The following RALGAPA1 variants were observed in gnomAD, a reference collection of about 807,000 sequenced individuals.
RALGAPA1 encodes Ral GTPase activating protein catalytic subunit alpha 1.
In RALGAPA1, 52 loss-of-function variants were observed where a neutral mutation model predicts 269.6. That is an observed-to-expected ratio of 0.19 (90% CI 0.15 to 0.24). RALGAPA1 has a LOEUF of 0.24. RALGAPA1 is among the 10% of genes least tolerant of loss of function. The probability of loss-of-function intolerance (pLI) is 1.00; values close to 1 mark genes in which losing one functional copy is unlikely to be tolerated. For missense variants in RALGAPA1, 1,917 were observed against 3,013.9 expected (o/e 0.64, Z 8.52); for synonymous variants, 817 against 1,008.3 (o/e 0.81, Z 3.60).
intron 41 of RALGAPA1, among the ~76,000 whole-genome samples, chr14:35,545,584 AAGAC>A (rs1313689228): frequency 1.3e-5 from 2 of 152,098 alleles, no homozygotes; most frequent in African/African-American, 4.8e-5. Flanking sequence ...TGAATACAGA[AAGAC>A]AGAAACACCT....
Position 35,760,861 on chromosome 14 carries a change from T to A in RALGAPA1, c.515A>T (p.Asn172Ile). Residue 172 changes from asparagine to isoleucine, a missense_variant, in exon 6 of 42, where the codon AAT (asparagine) becomes ATT (isoleucine). Asn to Ile is a moderately radical substitution (Grantham distance 149). Transcript: ENST00000680220. Reference sequence around the variant, plus strand: ...AAGGTTGAGTGGAGGATTAATGAGATTATCTAAAGTTCGAGGTCCATGTTC... The same window carrying A: ...AAGGTTGAGTGGAGGATTAATGAGAATATCTAAAGTTCGAGGTCCATGTTC... ...QSEHGPRTLD[N>I]LINPPLNLQE... 1 of 1,611,642 alleles carries A rather than the reference T, an allele frequency of 6.2e-7. No individual in the cohort carries two copies. The highest frequency in any genetic ancestry group is 8.5e-7 in the Non-Finnish European group (1 of 1,179,190).
intron 35 of RALGAPA1, among the ~76,000 whole-genome samples, chr14:35,612,761 A>G (rs1455750216): frequency 6.6e-6 from 1 of 152,070 alleles, no homozygotes; most frequent in African/African-American, 2.4e-5. Context: ...GATGGTCTCG[A>G]TCTCCTGACC....
chr14:35,792,206 G>C (rs1420054002), intron 1 of RALGAPA1, among the ~76,000 whole-genome samples: 1 of 152,012 alleles, frequency 6.6e-6, no homozygotes, highest in Non-Finnish European at 1.5e-5. Context: ...GCTCAGACTG[G>C]AGTGCAGTGG....
At chr14:35,774,319 G>T (rs1201835222) in intron 3 of RALGAPA1, among the ~76,000 whole-genome samples, 1 of 151,942 alleles carries the variant, frequency 6.6e-6, no homozygotes, top group Non-Finnish European at 1.5e-5. Context: ...TACAGGTCTC[G>T]AAATTCTCAG....
chr14:35,611,468 C>T (rs2059929631), intron 35 of RALGAPA1, among the ~76,000 whole-genome samples: 1 of 150,524 alleles, frequency 6.6e-6, no homozygotes, highest in Non-Finnish European at 1.5e-5. Context: ...TGCCACTGCA[C>T]TCCAGCCTAG....
intron 5 of RALGAPA1, 55 bp from the exon 6 acceptor site, chr14:35,761,061 C>T: frequency 1.5e-6 from 2 of 1,374,850 alleles, no homozygotes; most frequent in Non-Finnish European, 2.0e-6. Context: ...ATATTTTCTT[C>T]CTTTGAAAAA....
chr14:35,753,875 A>G (rs555860487), intron 7 of RALGAPA1, among the ~76,000 whole-genome samples: 8 of 152,280 alleles, frequency 5.3e-5, no homozygotes, highest in African/African-American at 1.7e-4. Context: ...AAAAATTACC[A>G]TTTGGTAACC....
At chr14:35,679,358 G>A (rs910188012) in intron 21 of RALGAPA1, among the ~76,000 whole-genome samples, 1 of 152,086 alleles carries the variant, frequency 6.6e-6, no homozygotes, top group African/African-American at 2.4e-5. Context: ...CTTATGATGG[G>A]GTTACACCCC....
chr14:35,543,358 G>T (rs752755136), intron 41 of RALGAPA1, among the ~76,000 whole-genome samples: 6 of 152,132 alleles, frequency 3.9e-5, no homozygotes, highest in Non-Finnish European at 8.8e-5. Flanking sequence ...AACAGATGAG[G>T]ATTAGAAACG....
At chr14:35,665,522 T>C (rs574411784) in intron 26 of RALGAPA1, among the ~76,000 whole-genome samples, 2 of 152,344 alleles carry the variant, frequency 1.3e-5, no homozygotes, top group South Asian at 4.1e-4. Flanking sequence ...ATAATACTTC[T>C]ATTCACATAA....
intron 9 of RALGAPA1, 31 bp downstream of exon 9, chr14:35,750,451 C>A: frequency 6.3e-7 from 1 of 1,588,258 alleles, no homozygotes; most frequent in Non-Finnish European, 8.6e-7. Context: ...CCATTTCTAA[C>A]TTTAACAGGC....
chr14:35,748,732 G>A lies in RALGAPA1; in HGVS notation c.1104C>T (p.Ser368=), dbSNP rs2072381754. 1.9e-6 allele frequency: 3 copies of A among 1,612,798 alleles called. No homozygotes were observed. In the African/African-American group the frequency reaches 4.0e-5, roughly 22 times the overall value. Residue 368 remains serine (S), a synonymous_variant, in exon 10 of 42, where the codon TCC becomes TCT. Coordinates refer to ENST00000680220, the MANE Select transcript of RALGAPA1 (RefSeq NM_001346249.2). ...CTCGCTCCGTGAGAGTGCTTGTATT[G>A]GAATGAGACTGTTCGGGTTCTGTAG... ...DRTTEPEQSH[S]NTSTLTEREP...
At chr14:35,635,083 A>G (rs909218690) in intron 32 of RALGAPA1, among the ~76,000 whole-genome samples, 2 of 152,128 alleles carry the variant, frequency 1.3e-5, no homozygotes, top group East Asian at 1.9e-4. Context: ...AGGCAAGAGA[A>G]TTGCTTGAAT....
chr14:35,719,706 TTTAAA>T (rs2069191876), intron 16 of RALGAPA1, among the ~76,000 whole-genome samples: 1 of 152,192 alleles, frequency 6.6e-6, no homozygotes, highest in Non-Finnish European at 1.5e-5. Context: ...AAAGATTTGA[TTTAAA>T]TAAAATAAAA....
intron 17 of RALGAPA1, 32 bp downstream of exon 17, chr14:35,700,130 G>A: frequency 6.7e-7 from 1 of 1,500,866 alleles, no homozygotes; most frequent in East Asian, 2.5e-5. Context: ...AAGTGAAAAA[G>A]GTGGTGCAGA....
chr14:35,805,959 A>G (rs2141978362), intron 1 of RALGAPA1, among the ~76,000 whole-genome samples: 1 of 152,208 alleles, frequency 6.6e-6, no homozygotes, highest in African/African-American at 2.4e-5. Context: ...AAGTCCTGGG[A>G]TTACAGGCAT....
chr14:35,785,208 T>C (rs1226623509), intron 1 of RALGAPA1, among the ~76,000 whole-genome samples: 1 of 152,200 alleles, frequency 6.6e-6, no homozygotes, highest in African/African-American at 2.4e-5. Context: ...AAAACAAATA[T>C]AGGCAGACAT....
chr14:35,654,814 C>T (rs1397399467), intron 29 of RALGAPA1, among the ~76,000 whole-genome samples: 2 of 152,128 alleles, frequency 1.3e-5, no homozygotes, highest in Non-Finnish European at 2.9e-5. Flanking sequence ...CCAAATTAAT[C>T]TTCTATAGCA....
chr14:35,780,812 C>T (rs777429172), intron 1 of RALGAPA1, among the ~76,000 whole-genome samples: 1 of 152,142 alleles, frequency 6.6e-6, no homozygotes, highest in African/African-American at 2.4e-5. Flanking sequence ...AGACCATTGG[C>T]TGGGTGCGTT....
Sources: gnomAD v4.1 joint callset for allele counts (sites outside exome capture counted in the v4.1 genomes callset) on GRCh38, gnomAD v4.1.1 for gene constraint, MANE v1.5 for transcripts, NCBI Gene and HGNC (gene_info 2026-07-23, HGNC 2026-07-21) for gene names.